Variants in UNC13C observed in about 807,000 individuals in gnomAD.
UNC13C encodes protein unc-13 homolog C.
A neutral mutation model predicts 245.4 loss-of-function variants in UNC13C; 174 were observed. The observed-to-expected ratio is 0.71, with a 90% CI of 0.63 to 0.80. The LOEUF (loss-of-function observed/expected upper bound fraction) is 0.80. UNC13C is among the 30% of genes least tolerant of loss of function. The pLI is 0.00. For missense variants in UNC13C, 2,829 were observed against 2,602.9 expected (o/e 1.09, Z -1.89); for synonymous variants, 992 against 895.1 (o/e 1.11, Z -1.93).
At chr15:54,226,352 G>A (rs1417386550) in intron 4 of UNC13C, among the ~76,000 whole-genome samples, 2 of 152,138 alleles carry the variant, frequency 1.3e-5, no homozygotes, top group Non-Finnish European at 2.9e-5. Context: ...CTTTTCAATT[G>A]CCTGGAGTAG....
chr15:54,153,340 T>C (rs531293604), intron 4 of UNC13C, among the ~76,000 whole-genome samples: 3 of 152,230 alleles, frequency 2.0e-5, no homozygotes, highest in East Asian at 1.9e-4. Context: ...AGTAATACTT[T>C]TTGAAATATT....
chr15:54,151,615 G>A (rs763452399), intron 4 of UNC13C, among the ~76,000 whole-genome samples: 3 of 152,076 alleles, frequency 2.0e-5, no homozygotes, highest in Admixed American at 6.6e-5. Flanking sequence ...AGTTGCCCAG[G>A]GTGGTTTTGA....
the UNC13C span, among the ~76,000 whole-genome samples, chr15:53,901,416 G>A: frequency 3.3e-5 from 5 of 151,516 alleles, no homozygotes; most frequent in African/African-American, 1.2e-4. Flanking sequence ...TGTAGAGATG[G>A]GGTTTCACTG....
the UNC13C span, among the ~76,000 whole-genome samples, chr15:53,965,457 C>T: frequency 1.0e-3 from 158 of 151,914 alleles, 1 homozygote; most frequent in African/African-American, 3.7e-3. Context: ...TCACAAAGAG[C>T]TCTCTCCTTT....
At chr15:54,622,780 A>G (rs1205811535) in intron 31 of UNC13C, among the ~76,000 whole-genome samples, 1 of 152,142 alleles carries the variant, frequency 6.6e-6, no homozygotes, top group African/African-American at 2.4e-5. Context: ...ATTTCCAACA[A>G]CTGGCTTAGA....
intron 19 of UNC13C, among the ~76,000 whole-genome samples, chr15:54,490,816 A>G (rs1447306734): frequency 6.6e-6 from 1 of 152,184 alleles, no homozygotes; most frequent in Non-Finnish European, 1.5e-5. Context: ...CTTAAATAGT[A>G]TCCCATTTAA....
chr15:54,105,757 A>C (rs1900413956), intron 2 of UNC13C, among the ~76,000 whole-genome samples: 1 of 152,254 alleles, frequency 6.6e-6, no homozygotes, highest in Non-Finnish European at 1.5e-5. Flanking sequence ...AAGAATGTGA[A>C]AGTGAAGAGT....
chr15:54,388,744 G>A (rs1315132680), intron 17 of UNC13C, among the ~76,000 whole-genome samples: 1 of 151,710 alleles, frequency 6.6e-6, no homozygotes, highest in Non-Finnish European at 1.5e-5. Flanking sequence ...TTTCTCCAAG[G>A]TTTTGTCTGT....
At chr15:54,415,271 A>G (rs1271527548) in intron 19 of UNC13C, among the ~76,000 whole-genome samples, 2 of 152,178 alleles carry the variant, frequency 1.3e-5, no homozygotes, top group Admixed American at 6.5e-5. Flanking sequence ...ATTTTTAATT[A>G]TATGGTCTAA....
intron 18 of UNC13C, among the ~76,000 whole-genome samples, chr15:54,404,783 C>T (rs181623811): frequency 1.3e-5 from 2 of 152,214 alleles, no homozygotes; most frequent in East Asian, 1.9e-4. Context: ...TTGCTTCTAT[C>T]ACAGTTAGGA....
At chr15:54,233,802 A>G (rs1475443076) in intron 4 of UNC13C, among the ~76,000 whole-genome samples, 1 of 152,184 alleles carries the variant, frequency 6.6e-6, no homozygotes, top group Non-Finnish European at 1.5e-5. Flanking sequence ...GCCTGTTGCA[A>G]TGACAGAGAT....
intron 19 of UNC13C, among the ~76,000 whole-genome samples, chr15:54,465,686 G>A (rs1046304240): frequency 2.6e-5 from 4 of 151,982 alleles, no homozygotes; most frequent in Non-Finnish European, 5.9e-5. Flanking sequence ...ATTCCAGAAA[G>A]ATGGTCAAAG....
At chr15:53,944,729 A>T in the UNC13C span, among the ~76,000 whole-genome samples, 1 of 152,172 alleles carries the variant, frequency 6.6e-6, no homozygotes, top group East Asian at 1.9e-4. Context: ...CAATGAATCT[A>T]TGCATCCGTG....
At chr15:54,521,000 G>A (rs1048277421) in intron 24 of UNC13C, among the ~76,000 whole-genome samples, 2 of 152,058 alleles carry the variant, frequency 1.3e-5, no homozygotes, top group African/African-American at 4.8e-5. Flanking sequence ...TGTTACTTGA[G>A]CATATTTATA....
At chr15:54,217,052 T>C (rs1042217394) in intron 4 of UNC13C, among the ~76,000 whole-genome samples, 6 of 152,016 alleles carry the variant, frequency 3.9e-5, no homozygotes, top group Non-Finnish European at 7.4e-5. Context: ...TTAAGGTATC[T>C]AGGAGTTAAT....
At chr15:54,362,447 A>C (rs1441329575) in intron 17 of UNC13C, among the ~76,000 whole-genome samples, 1 of 152,210 alleles carries the variant, frequency 6.6e-6, no homozygotes, top group Admixed American at 6.5e-5. Context: ...AGATTTCTTC[A>C]TTACTCCCCT....
At chr15:53,964,519 A>G in the UNC13C span, among the ~76,000 whole-genome samples, 1 of 152,222 alleles carries the variant, frequency 6.6e-6, no homozygotes, top group East Asian at 1.9e-4. Flanking sequence ...AAGGACATGT[A>G]ATATACCTCT....
intron 2 of UNC13C, among the ~76,000 whole-genome samples, chr15:54,074,062 G>A (rs1898466249): frequency 6.6e-6 from 1 of 152,146 alleles, no homozygotes; most frequent in African/African-American, 2.4e-5. Context: ...TGTATAAGGT[G>A]TAAGGAAGGA....
At chr15:53,988,759 T>G (rs188943627) in intron 1 of UNC13C, among the ~76,000 whole-genome samples, 1 of 152,074 alleles carries the variant, frequency 6.6e-6, no homozygotes, top group Admixed American at 6.6e-5. Flanking sequence ...GAAAATCTAC[T>G]GTTTGTTGAA....
Sources: gnomAD v4.1 joint callset for allele counts (sites outside exome capture counted in the v4.1 genomes callset) on GRCh38, gnomAD v4.1.1 for gene constraint, MANE v1.5 for transcripts, NCBI Gene and HGNC (gene_info 2026-07-23, HGNC 2026-07-21) for gene names.